The following CACNA1D variants were observed in gnomAD, a reference collection of about 807,000 sequenced individuals.
CACNA1D encodes the protein calcium voltage-gated channel subunit alpha1 D.
A neutral mutation model predicts 257.1 loss-of-function variants in CACNA1D; 55 were observed. That is an observed-to-expected ratio of 0.21 (90% CI 0.17 to 0.27). The LOEUF is 0.27. Among genes scored for constraint, CACNA1D ranks in the 10% least tolerant of loss-of-function variants. The pLI, the probability that CACNA1D is intolerant of heterozygous loss-of-function variation, is 1.00. For missense variants in CACNA1D, 1,876 were observed against 2,784.0 expected, an observed-to-expected ratio of 0.67 and a Z score of 7.34; for synonymous variants, 980 against 1,014.9, an observed-to-expected ratio of 0.97 and a Z score of 0.65.
chr3:53,753,712 T>G (rs375270776), intron 29 of CACNA1D, 30 bp downstream of exon 29: 1 of 1,306,516 alleles, frequency 7.7e-7, no homozygotes, highest in Non-Finnish European at 1.1e-6. Flanking sequence ...TTTCAAAGGT[T>G]GTTGCTGAGT....
In CACNA1D at chr3:53,751,637, A is replaced by T; in HGVS notation, c.3517-112A>T. Reference sequence around the variant, plus strand: ...CTCGTAATCATTTTCACCATCGTCCACGGCCCCTTCCCGGGAGCTGTAGGG... The same window carrying T: ...CTCGTAATCATTTTCACCATCGTCCTCGGCCCCTTCCCGGGAGCTGTAGGG... On this transcript the variant is annotated intron_variant, in intron 27 of 47. Coordinates refer to ENST00000350061, the MANE Select transcript of CACNA1D (RefSeq NM_001128840.3). The surrounding 1 kb of genome is among the most constrained non-coding windows in gnomAD (Gnocchi z 4.3). The T allele has an allele frequency of 9.3e-7, 1 of 1,074,796 alleles. No homozygotes were observed. The highest frequency in any genetic ancestry group is 1.4e-6 in the Non-Finnish European group (1 of 692,176). The allele number at this position is 1,074,796 out of a possible 1,614,324, so 66.6% of individuals were successfully genotyped here. A position where few individuals can be genotyped will look rare whatever the true frequency, so the allele number is the denominator to read the frequency against.
chr3:53,717,478 T>TG (rs1196782010), intron 9 of CACNA1D, among the ~76,000 whole-genome samples: 1 of 152,248 alleles, frequency 6.6e-6, no homozygotes, highest in Non-Finnish European at 1.5e-5. Context: ...ATGGTGGCCC[T>TG]GGGTGGACCC....
chr3:53,798,864 C>T (rs1355632331), intron 40 of CACNA1D, among the ~76,000 whole-genome samples: 2 of 152,206 alleles, frequency 1.3e-5, no homozygotes, highest in Non-Finnish European at 2.9e-5. Context: ...CCCTCCTCCT[C>T]CCTGAACCAC....
chr3:53,575,636 T>C (rs768528150), intron 3 of CACNA1D, among the ~76,000 whole-genome samples: 5 of 152,160 alleles, frequency 3.3e-5, no homozygotes, highest in Non-Finnish European at 7.3e-5. Context: ...AGGCATAAAC[T>C]AACAGCCCAG....
chr3:53,518,188 G>A (rs988247552), intron 3 of CACNA1D, among the ~76,000 whole-genome samples: 5 of 152,238 alleles, frequency 3.3e-5, no homozygotes, highest in African/African-American at 1.2e-4. Flanking sequence ...AGAACTGAGA[G>A]GACTAGCACC....
At chr3:53,652,276 A>G (rs1043804256) in intron 4 of CACNA1D, among the ~76,000 whole-genome samples, 2 of 152,114 alleles carry the variant, frequency 1.3e-5, no homozygotes, top group African/African-American at 4.8e-5. Flanking sequence ...TGATCACCTC[A>G]TATTTCTGCC....
intron 30 of CACNA1D, among the ~76,000 whole-genome samples, chr3:53,767,576 A>AC (rs2095340986): frequency 6.6e-6 from 1 of 151,698 alleles, no homozygotes. Context: ...AAAAAAAAAA[A>AC]AAAAACAACA....
chr3:53,574,381 G>A (rs953091128), intron 3 of CACNA1D, among the ~76,000 whole-genome samples: 1 of 152,152 alleles, frequency 6.6e-6, no homozygotes, highest in Non-Finnish European at 1.5e-5. Context: ...GCCTCCCTTG[G>A]TGTTCTCATC....
At chr3:53,573,845 A>G (rs1312641708) in intron 3 of CACNA1D, among the ~76,000 whole-genome samples, 6 of 152,238 alleles carry the variant, frequency 3.9e-5, no homozygotes, top group African/African-American at 1.4e-4. Context: ...GGTGAGATAC[A>G]GTGTATCATT....
At chr3:53,672,123 CT>C (rs2094328739) in intron 7 of CACNA1D, among the ~76,000 whole-genome samples, 1 of 152,236 alleles carries the variant, frequency 6.6e-6, no homozygotes, top group Admixed American at 6.5e-5. Context: ...GCCAGGGAGA[CT>C]GTGTCTGAAT....
intron 8 of CACNA1D, among the ~76,000 whole-genome samples, chr3:53,687,328 TAAAG>T (rs1021925814): frequency 3.3e-5 from 5 of 151,952 alleles, no homozygotes; most frequent in South Asian, 4.1e-4. Context: ...TCATAAAAAA[TAAAG>T]AAGGAGGGCT....
intron 15 of CACNA1D, among the ~76,000 whole-genome samples, chr3:53,727,713 T>C (rs2094949453): frequency 6.6e-6 from 1 of 152,168 alleles, no homozygotes; most frequent in Non-Finnish European, 1.5e-5. Flanking sequence ...AGGCCTTTAA[T>C]GAATGTTTGA....
intron 3 of CACNA1D, among the ~76,000 whole-genome samples, chr3:53,527,310 A>G (rs1324163436): frequency 3.3e-5 from 5 of 152,202 alleles, no homozygotes; most frequent in African/African-American, 1.2e-4. Flanking sequence ...TGCCTTTCTG[A>G]TGGCTTTGAC....
chr3:53,707,320 TC>T (rs1165813445), intron 9 of CACNA1D, among the ~76,000 whole-genome samples: 1 of 151,972 alleles, frequency 6.6e-6, no homozygotes, highest in Non-Finnish European at 1.5e-5. Context: ...TCATTAAGGT[TC>T]CCTGGGGATT....
chr3:53,784,044 G>A (rs2095440079), intron 39 of CACNA1D, among the ~76,000 whole-genome samples: 1 of 152,218 alleles, frequency 6.6e-6, no homozygotes, highest in Non-Finnish European at 1.5e-5. Flanking sequence ...GCTGTGAGGT[G>A]TGGCCTGGCT....
intron 9 of CACNA1D, among the ~76,000 whole-genome samples, chr3:53,716,952 C>G (rs2094825682): frequency 6.6e-6 from 1 of 152,240 alleles, no homozygotes; most frequent in Non-Finnish European, 1.5e-5. Flanking sequence ...CCGAACACAG[C>G]CCCCTACGCG....
chr3:53,674,476 C>G lies in CACNA1D; in HGVS notation c.1220+1350C>G, dbSNP rs577786594. ...CACATTTCCCATGGCCTTACAGAGA[C>G]CCCGTCATTCAGTCACGATTTTTGA... On this transcript the variant is annotated intron_variant, in intron 8 of 47. Transcript: ENST00000350061. Among the ~76,000 whole-genome samples, 6 of 152,320 alleles carry G rather than the reference C, an allele frequency of 3.9e-5. No individual in the cohort carries two copies. The South Asian group carries it at 1.2e-3, about 32-fold the overall frequency.
chr3:53,666,991 C>T (rs2094271904), intron 7 of CACNA1D, among the ~76,000 whole-genome samples: 1 of 152,128 alleles, frequency 6.6e-6, no homozygotes, highest in Non-Finnish European at 1.5e-5. Flanking sequence ...TAAATCGGAT[C>T]CCTTTCATGC....
chr3:53,544,187 G>A (rs981818219), intron 3 of CACNA1D, among the ~76,000 whole-genome samples: 4 of 152,130 alleles, frequency 2.6e-5, no homozygotes, highest in Non-Finnish European at 5.9e-5. Context: ...AACTCAGAGA[G>A]GGTCATCTTG....
Sources: gnomAD v4.1 joint callset for allele counts (sites outside exome capture counted in the v4.1 genomes callset) on GRCh38, gnomAD v4.1.1 for gene constraint, Gnocchi (gnomAD v3.1) non-coding constraint, MANE v1.5 for transcripts, NCBI Gene and HGNC (gene_info 2026-07-23, HGNC 2026-07-21) for gene names.